Variants in OPTC observed in about 807,000 individuals in gnomAD.
OPTC encodes oculoglycan.
A neutral mutation model predicts 25.4 loss-of-function variants in OPTC; 22 were observed. That is an observed-to-expected ratio of 0.87 (90% CI 0.62 to 1.24). OPTC has a LOEUF of 1.24. OPTC is among the 50% of genes most tolerant of loss of function. The pLI is 0.00. For missense variants in OPTC, 417 were observed against 425.2 expected, an observed-to-expected ratio of 0.98 and a Z score of 0.17; for synonymous variants, 169 against 179.3, an observed-to-expected ratio of 0.94 and a Z score of 0.46.
chr1:203,503,596 A>C lies in OPTC; in HGVS notation c.875A>C (p.Glu292Ala). ...TMQRDVFCDP[E>A]EHKHTRRQLE... ...CAGAGAGACGTCTTCTGTGACCCCG[A>C]GGAGCACAAACACACCCGCAGGCAG... The change falls in exon 7 of 8, where the codon GAG becomes GCG. Residue 292 changes from glutamate to alanine, a missense_variant. Transcript: ENST00000367222. 1 of 1,613,746 alleles carries C rather than the reference A, an allele frequency of 6.2e-7. No homozygotes were observed. The highest frequency in any genetic ancestry group is 8.5e-7 in the Non-Finnish European group (1 of 1,180,020).
chr1:203,500,466 C>T (rs1416184198), intron 5 of OPTC, among the ~76,000 whole-genome samples: 5 of 149,304 alleles, frequency 3.3e-5, no homozygotes, highest in Non-Finnish European at 7.4e-5. Context: ...TATCCACCAC[C>T]ACCACCCACC....
chr1:203,503,618 G>T lies in OPTC; in HGVS notation c.897G>T (p.Arg299Ser). ...CCGAGGAGCACAAACACACCCGCAG[G>T]CAGCTGGAAGACATCCGCCTGGATG... ...CDPEEHKHTR[R>S]QLEDIRLDGN... The change falls in exon 7 of 8, where the codon AGG (arginine) becomes AGT (serine). Residue 299 changes from arginine to serine, a missense_variant. Coordinates refer to ENST00000367222, the MANE Select transcript of OPTC (RefSeq NM_014359.4). 2 of 1,613,660 alleles carry T rather than the reference G, an allele frequency of 1.2e-6. No homozygotes were observed. Among genetic ancestry groups the T allele is most frequent in the Non-Finnish European group, 8.5e-7 (1 of 1,180,022 alleles).
chr1:203,499,294 G>A (rs1661335787), intron 4 of OPTC, among the ~76,000 whole-genome samples: 1 of 152,114 alleles, frequency 6.6e-6, no homozygotes, highest in Non-Finnish European at 1.5e-5. Context: ...ATTACCCAGA[G>A]CCTTTCCAGG....
At position 203,503,452 on chromosome 1, in the gene OPTC, A is replaced by G; in HGVS notation, c.829-98A>G. Reference sequence around the variant, plus strand: ...GCTTCAGTTTCTCCAGTTGCACCAGAGCAGGCAGAGCTGGTAGGGACAGCT... The same window carrying G: ...GCTTCAGTTTCTCCAGTTGCACCAGGGCAGGCAGAGCTGGTAGGGACAGCT... On this transcript the variant is annotated intron_variant, in intron 6 of 7. Coordinates refer to ENST00000367222, the MANE Select transcript of OPTC (RefSeq NM_014359.4). The G allele has an allele frequency of 5.7e-6, 7 of 1,232,690 alleles. No individual in the cohort carries two copies. The South Asian group carries it at 8.4e-5, about 15-fold the overall frequency. 76.4% of individuals were successfully genotyped at this position (1,232,690 alleles called of 1,614,324 possible).
In OPTC at chr1:203,503,737, T is replaced by G. The variant is rs1661431184; in HGVS notation, c.*17T>G. On this transcript the variant is annotated 3_prime_UTR_variant, in exon 7 of 8. Coordinates refer to ENST00000367222, the MANE Select transcript of OPTC (RefSeq NM_014359.4). Reference sequence around the variant, plus strand: ...TTCACGTAGCTCGGAGCCCTTCCACTCCTCCCAGGTAAGAACCCTCCAAGG... The same window carrying G: ...TTCACGTAGCTCGGAGCCCTTCCACGCCTCCCAGGTAAGAACCCTCCAAGG... 6.3e-7 allele frequency: 1 copy of G among 1,598,588 alleles called. No homozygotes were observed. The highest frequency in any genetic ancestry group is 1.3e-5 in the African/African-American group (1 of 74,360).
chr1:203,506,912 T>C (rs1484327179), intron 7 of OPTC, among the ~76,000 whole-genome samples: 2 of 152,226 alleles, frequency 1.3e-5, no homozygotes, highest in Admixed American at 1.3e-4. Flanking sequence ...AGAGTTTCTT[T>C]CCCCAGGCCA....
At chr1:203,507,155 T>C (rs1661505401) in intron 7 of OPTC, among the ~76,000 whole-genome samples, 2 of 152,180 alleles carry the variant, frequency 1.3e-5, no homozygotes, top group South Asian at 2.1e-4. Flanking sequence ...CTTCTCGATC[T>C]TGATGTGAAC....
At chr1:203,504,421 C>T (rs55677635) in intron 7 of OPTC, among the ~76,000 whole-genome samples, 1,620 of 152,178 alleles carry the variant, frequency 0.011, 19 homozygotes, top group Middle Eastern at 0.048. Flanking sequence ...GACATCATAT[C>T]GGTGGTTTAA....
intron 1 of OPTC, among the ~76,000 whole-genome samples, chr1:203,494,726 G>C (rs983308446): frequency 6.6e-6 from 1 of 152,138 alleles, no homozygotes; most frequent in African/African-American, 2.4e-5. Context: ...CTAGAAACTT[G>C]TGCAGCTAGC....
At chr1:203,503,864 T>C in intron 7 of OPTC, 119 bp downstream of exon 7, 1 of 865,516 alleles carries the variant, frequency 1.2e-6, no homozygotes, top group South Asian at 1.4e-5. Flanking sequence ...CTTGCAAATA[T>C]CACACACATG....
Position 203,496,037 on chromosome 1 carries a change from C to T in OPTC, c.32C>T (p.Ala11Val). The change falls in exon 2 of 8, where the codon GCC becomes GTC. Residue 11 changes from alanine (A) to valine (V), a missense_variant. By Grantham distance (64) the Ala-to-Val change is moderately conservative. Transcript: ENST00000367222. ...CTCCTGGCTTTCCTGAGTCTGCTGG[C>T]CTTGGTGCTGCAGGAGACAGGGACA... MRLLAFLSLLALVLQETGTAS... is the reference protein window; with the variant it reads MRLLAFLSLLVLVLQETGTAS... The T allele has an allele frequency of 6.2e-7, 1 of 1,613,652 alleles. No homozygotes were observed. Among genetic ancestry groups the T allele is most frequent in the South Asian group, 1.1e-5 (1 of 90,956 alleles).
At chr1:203,501,678 C>A (rs1661393543) in intron 5 of OPTC, among the ~76,000 whole-genome samples, 1 of 152,170 alleles carries the variant, frequency 6.6e-6, no homozygotes, top group Non-Finnish European at 1.5e-5. Context: ...TGCTCTCTTG[C>A]CCTGCCCTCC....
At chr1:203,502,398 G>A (rs1346087017) in intron 5 of OPTC, among the ~76,000 whole-genome samples, 1 of 152,196 alleles carries the variant, frequency 6.6e-6, no homozygotes, top group Non-Finnish European at 1.5e-5. Flanking sequence ...ATACCAGGGA[G>A]CAGGTCATGC....
At chr1:203,497,608 CT>C (rs1338639311) in intron 3 of OPTC, among the ~76,000 whole-genome samples, 1 of 152,198 alleles carries the variant, frequency 6.6e-6, no homozygotes, top group Non-Finnish European at 1.5e-5. Flanking sequence ...GCTGGCATCC[CT>C]GGCAGTGAGG....
rs186768430 is a variant in OPTC, at chr1:203,496,947, G to A, written c.232-30G>A. 48 of 1,613,810 alleles carry A rather than the reference G, an allele frequency of 3.0e-5. No individual in the cohort carries two copies. The Admixed American group carries it at 3.5e-4, about 12-fold the overall frequency. Reference sequence around the variant, plus strand: ...TAAGTCCCTTTTGTGCAAAAGCTGGGCTACTGTGTACTCTGTGCTACATCT... The same window carrying A: ...TAAGTCCCTTTTGTGCAAAAGCTGGACTACTGTGTACTCTGTGCTACATCT... On this transcript the variant is annotated intron_variant, in intron 2 of 7. Transcript: ENST00000367222.
rs114294638 is a variant in OPTC at position 203,499,767 on chromosome 1, G to A, written c.648G>A (p.Leu216=). The A allele has an allele frequency of 1.3e-4, 212 of 1,612,942 alleles. No individual in the cohort carries two copies. In the East Asian group the frequency reaches 4.5e-3, roughly 34 times the overall value. ...LILPENQLEA[L]PVLPSGIEFL... is the part of the protein sequence containing the mutation. Reference sequence around the variant, plus strand: ...TCCCAGAGAACCAGTTGGAAGCTCTGCCCGTGCTGCCCAGTGGCATTGAGT... The same window carrying A: ...TCCCAGAGAACCAGTTGGAAGCTCTACCCGTGCTGCCCAGTGGCATTGAGT... Residue 216 remains leucine (L), a synonymous_variant, in exon 5 of 8, where the codon CTG becomes CTA. Coordinates refer to ENST00000367222, the MANE Select transcript of OPTC (RefSeq NM_014359.4).
chr1:203,496,560 C>T (rs1010706424), intron 2 of OPTC, among the ~76,000 whole-genome samples: 7 of 152,194 alleles, frequency 4.6e-5, no homozygotes, highest in African/African-American at 1.7e-4. Context: ...CTGAAACTGT[C>T]CTCCAGTCTG....
chr1:203,508,122 AAAAG>A (rs1172310981), intron 7 of OPTC, among the ~76,000 whole-genome samples: 2 of 152,214 alleles, frequency 1.3e-5, no homozygotes, highest in Non-Finnish European at 2.9e-5. Context: ...CTATAACAGA[AAAAG>A]AAAGATGGGC....
chr1:203,503,991 G>A (rs1218028741), intron 7 of OPTC, among the ~76,000 whole-genome samples: 1 of 152,094 alleles, frequency 6.6e-6, no homozygotes, highest in African/African-American at 2.4e-5. Flanking sequence ...AAATAGCAGT[G>A]TCTGCAGTGG....
Sources: gnomAD v4.1 joint callset for allele counts (sites outside exome capture counted in the v4.1 genomes callset) on GRCh38, gnomAD v4.1.1 for gene constraint, MANE v1.5 for transcripts, NCBI Gene and HGNC (gene_info 2026-07-23, HGNC 2026-07-21) for gene names.